PDE4D: variants seen among roughly 807,000 people sequenced by gnomAD.
PDE4D encodes 3',5'-cyclic-AMP phosphodiesterase 4D.
In PDE4D, 24 loss-of-function variants were observed where a neutral mutation model predicts 87.4. The ratio of observed to expected loss-of-function variants is 0.27; its 90% CI spans 0.20 to 0.39. PDE4D has a LOEUF of 0.39. Ranked by LOEUF, PDE4D falls within the 10% of genes least tolerant of loss-of-function variation. The pLI, the probability that PDE4D is intolerant of heterozygous loss-of-function variation, is 1.00. For missense variants in PDE4D, 714 were observed against 1,041.0 expected (o/e 0.69, Z 4.32); for synonymous variants, 384 against 383.2 (o/e 1.00, Z -0.02).
At chr5:59,618,428 C>T (rs555689293) in intron 1 of PDE4D, among the ~76,000 whole-genome samples, 2 of 152,038 alleles carry the variant, frequency 1.3e-5, no homozygotes, top group Non-Finnish European at 2.9e-5. Context: ...AAACTGTGTG[C>T]AGAATGAAAG....
chr5:59,783,554 CT>C (rs1381517972), intron 1 of PDE4D, among the ~76,000 whole-genome samples: 2 of 152,200 alleles, frequency 1.3e-5, no homozygotes, highest in South Asian at 2.1e-4. Flanking sequence ...TGCTTTCACT[CT>C]CTTAAACTTC....
chr5:60,424,995 C>G (rs564879597), intron 1 of PDE4D, among the ~76,000 whole-genome samples: 2 of 152,256 alleles, frequency 1.3e-5, no homozygotes, highest in South Asian at 4.1e-4. Flanking sequence ...AGGACCTCTT[C>G]AAGAAGAACT....
At chr5:59,655,251 G>C (rs898114542) in intron 1 of PDE4D, among the ~76,000 whole-genome samples, 1 of 152,080 alleles carries the variant, frequency 6.6e-6, no homozygotes, top group Non-Finnish European at 1.5e-5. Context: ...AATTGTCTTA[G>C]TTGTTTAATG....
chr5:59,114,307 A>C (rs745676063), intron 5 of PDE4D, among the ~76,000 whole-genome samples: 1 of 152,186 alleles, frequency 6.6e-6, no homozygotes, highest in Non-Finnish European at 1.5e-5. Context: ...TACATGGATA[A>C]ATTTATAGAG....
intron 1 of PDE4D, among the ~76,000 whole-genome samples, chr5:59,250,781 T>C (rs1214396772): frequency 6.6e-6 from 1 of 151,974 alleles, no homozygotes; most frequent in African/African-American, 2.4e-5. Context: ...CTTCAAACTA[T>C]AATACAAGGA....
At chr5:59,692,522 AG>A (rs760700634) in intron 1 of PDE4D, among the ~76,000 whole-genome samples, 9 of 152,128 alleles carry the variant, frequency 5.9e-5, no homozygotes, top group Non-Finnish European at 1.3e-4. Context: ...TCACGTACTG[AG>A]CTTTTAATAT....
chr5:59,133,510 C>A (rs758665414), intron 5 of PDE4D, among the ~76,000 whole-genome samples: 1 of 152,080 alleles, frequency 6.6e-6, no homozygotes, highest in Non-Finnish European at 1.5e-5. Context: ...TGCACTACAT[C>A]AGGACATTAC....
At chr5:60,473,760 T>C (rs1285508210) in intron 1 of PDE4D, among the ~76,000 whole-genome samples, 1 of 151,708 alleles carries the variant, frequency 6.6e-6, no homozygotes, top group Non-Finnish European at 1.5e-5. Flanking sequence ...CATACTACCA[T>C]ATGCTTTCAC....
intron 1 of PDE4D, among the ~76,000 whole-genome samples, chr5:60,291,024 G>A (rs2149771687): frequency 6.6e-6 from 1 of 152,276 alleles, no homozygotes; most frequent in South Asian, 2.1e-4. Context: ...CTGTCTCGAA[G>A]GAATGTGAGG....
At chr5:59,703,559 G>T (rs780945611) in intron 1 of PDE4D, 2 of 534,138 alleles carry the variant, frequency 3.7e-6, no homozygotes, top group Non-Finnish European at 7.7e-6. Flanking sequence ...GCATATTGAA[G>T]GGGGTTCTGG....
At chr5:59,879,835 G>C (rs962847029) in intron 1 of PDE4D, among the ~76,000 whole-genome samples, 1 of 152,246 alleles carries the variant, frequency 6.6e-6, no homozygotes. Context: ...CCGCTCCCCG[G>C]GTTTAAGCGA....
At chr5:59,454,451 G>T (rs911809958) in intron 1 of PDE4D, among the ~76,000 whole-genome samples, 47 of 152,324 alleles carry the variant, frequency 3.1e-4, no homozygotes, top group African/African-American at 1.1e-3. Flanking sequence ...CGCCATCCAT[G>T]TAAGACGTGA....
chr5:59,112,741 C>T lies in PDE4D; in HGVS notation c.808+67854G>A, dbSNP rs114800986. The stretch of plus-strand genomic sequence containing the variant: ...AAATCTATAATTCAACCCTCCCTCC[C>T]TTCCTTCCTCTCTTCTTTCTACCCT... On this transcript the variant is annotated intron_variant, in intron 5 of 14. Coordinates refer to ENST00000340635, the MANE Select transcript of PDE4D (RefSeq NM_001104631.2). Among the ~76,000 whole-genome samples the T allele has an allele frequency of 1.7e-3, 259 of 151,586 alleles. 3 individuals carry two copies. Among genetic ancestry groups the T allele is most frequent in the African/African-American group, 5.9e-3 (245 of 41,352 alleles).
intron 1 of PDE4D, among the ~76,000 whole-genome samples, chr5:60,412,904 G>A (rs1742161778): frequency 6.6e-6 from 1 of 152,058 alleles, no homozygotes; most frequent in Admixed American, 6.6e-5. Context: ...TTATAGATAA[G>A]GAAACTAAGG....
intron 11 of PDE4D, among the ~76,000 whole-genome samples, chr5:58,979,401 T>C (rs1391078868): frequency 6.6e-6 from 1 of 152,184 alleles, no homozygotes; most frequent in Admixed American, 6.5e-5. Flanking sequence ...TGACTGTTGA[T>C]TTTTAAATGA....
intron 1 of PDE4D, among the ~76,000 whole-genome samples, chr5:59,673,639 T>G (rs573806539): frequency 6.6e-6 from 1 of 152,290 alleles, no homozygotes; most frequent in Non-Finnish European, 1.5e-5. Flanking sequence ...CATGGCGCCA[T>G]CTAGTGATCA....
intron 2 of PDE4D, among the ~76,000 whole-genome samples, chr5:60,114,649 C>T (rs1417186767): frequency 6.6e-6 from 1 of 152,012 alleles, no homozygotes; most frequent in Non-Finnish European, 1.5e-5. Flanking sequence ...CCTGATGTTG[C>T]CCCAAAATGC....
chr5:59,693,547 T>C (rs888755780), intron 1 of PDE4D, among the ~76,000 whole-genome samples: 1 of 152,146 alleles, frequency 6.6e-6, no homozygotes, highest in African/African-American at 2.4e-5. Context: ...ATGGAACTTT[T>C]ACAGCAAATT....
At chr5:58,995,160 G>A (rs1422686294) in intron 6 of PDE4D, among the ~76,000 whole-genome samples, 1 of 152,010 alleles carries the variant, frequency 6.6e-6, no homozygotes, top group Non-Finnish European at 1.5e-5. Flanking sequence ...TCACTTCTTT[G>A]TTCATATGTT....
Sources: allele counts gnomAD v4.1 joint callset (sites outside exome capture counted in the v4.1 genomes callset), GRCh38; gene constraint gnomAD v4.1.1; transcripts MANE v1.5; gene names NCBI Gene and HGNC (gene_info 2026-07-23, HGNC 2026-07-21).